The following UBE3C variants were observed in gnomAD, a reference collection of about 807,000 sequenced individuals.
The protein encoded by UBE3C is ubiquitin-protein ligase E3C.
UBE3C carries 42 observed loss-of-function variants against 129.4 expected under a neutral mutation model. The ratio of observed to expected loss-of-function variants is 0.32; its 90% CI spans 0.25 to 0.42. The LOEUF (loss-of-function observed/expected upper bound fraction) is 0.42, where lower values mean the gene tolerates loss of function less well. UBE3C is among the 10% of genes least tolerant of loss of function. The probability of loss-of-function intolerance (pLI) is 1.00; values close to 1 mark genes in which losing one functional copy is unlikely to be tolerated. For missense variants in UBE3C, 1,049 were observed against 1,319.1 expected (o/e 0.80, Z 3.17); for synonymous variants, 510 against 492.4 (o/e 1.04, Z -0.47).
At chr7:157,218,863 G>A (rs545073711) in intron 14 of UBE3C, among the ~76,000 whole-genome samples, 4 of 152,134 alleles carry the variant, frequency 2.6e-5, no homozygotes, top group African/African-American at 4.8e-5. Flanking sequence ...CTCTGAGTTC[G>A]CAAGGGTGCT....
intron 11 of UBE3C, 94 bp from the exon 12 acceptor site, chr7:157,207,304 T>G: frequency 6.7e-7 from 1 of 1,503,534 alleles, no homozygotes; most frequent in Non-Finnish European, 9.0e-7. Flanking sequence ...TTACTTTCCC[T>G]GATTATATTT....
chr7:157,265,283 A>C (rs183235939), intron 22 of UBE3C, among the ~76,000 whole-genome samples: 1 of 152,334 alleles, frequency 6.6e-6, no homozygotes, highest in East Asian at 1.9e-4. Flanking sequence ...TGCGACAGTG[A>C]GCAGACTGAG....
chr7:157,230,331 T>G (rs186896752), intron 17 of UBE3C, among the ~76,000 whole-genome samples: 51 of 151,966 alleles, frequency 3.4e-4, no homozygotes, highest in African/African-American at 9.7e-4. Flanking sequence ...CTGAACCACA[T>G]TGGAAGAGGA....
intron 18 of UBE3C, 86 bp from the exon 19 acceptor site, chr7:157,248,282 G>A: frequency 8.1e-7 from 1 of 1,238,158 alleles, no homozygotes; most frequent in South Asian, 1.4e-5. Context: ...TTAGGATTGG[G>A]TTTAATATCA....
At chr7:157,256,771 A>G in intron 21 of UBE3C, 143 bp from the exon 22 acceptor site, 1 of 975,228 alleles carries the variant, frequency 1.0e-6, no homozygotes, top group Non-Finnish European at 1.6e-6. Context: ...TACACAGGTG[A>G]TACACACATG....
chr7:157,178,051 G>A (rs900482903), intron 5 of UBE3C, among the ~76,000 whole-genome samples: 4 of 151,942 alleles, frequency 2.6e-5, no homozygotes, highest in South Asian at 2.1e-4. Context: ...GGATTGGGGT[G>A]GGGGGAAAGA....
chr7:157,238,020 C>A (rs541591617), intron 18 of UBE3C, among the ~76,000 whole-genome samples: 1 of 152,058 alleles, frequency 6.6e-6, no homozygotes, highest in African/African-American at 2.4e-5. Flanking sequence ...CCACCACACT[C>A]CAGCCTGGGT....
chr7:157,264,885 A>G (rs1336220652), intron 22 of UBE3C, among the ~76,000 whole-genome samples: 1 of 152,152 alleles, frequency 6.6e-6, no homozygotes, highest in Admixed American at 6.6e-5. Flanking sequence ...TAATTTTTAA[A>G]TATAATTTTA....
chr7:157,152,524 A>G (rs1228298775), intron 1 of UBE3C, among the ~76,000 whole-genome samples: 3 of 152,156 alleles, frequency 2.0e-5, no homozygotes, highest in Non-Finnish European at 4.4e-5. Context: ...TGTTTGTCAC[A>G]TGCAGATCCT....
intron 3 of UBE3C, among the ~76,000 whole-genome samples, chr7:157,169,663 A>G (rs1290592297): frequency 6.6e-6 from 1 of 151,846 alleles, no homozygotes; most frequent in Non-Finnish European, 1.5e-5. Context: ...AGCATAAGCC[A>G]CTGCGCCTGG....
At chr7:157,231,994 T>G (rs1408802752) in intron 18 of UBE3C, among the ~76,000 whole-genome samples, 1 of 152,180 alleles carries the variant, frequency 6.6e-6, no homozygotes, top group Non-Finnish European at 1.5e-5. Context: ...ACTCAGGGTG[T>G]CAGCAGCAGC....
At chr7:157,230,286 C>T (rs979901694) in intron 17 of UBE3C, among the ~76,000 whole-genome samples, 3 of 151,884 alleles carry the variant, frequency 2.0e-5, no homozygotes, top group Non-Finnish European at 4.4e-5. Context: ...TTTAAAAGAT[C>T]ACGTAGATCA....
chr7:157,199,617 C>A (rs1348790896), intron 10 of UBE3C, among the ~76,000 whole-genome samples: 3 of 151,806 alleles, frequency 2.0e-5, no homozygotes, highest in Admixed American at 2.0e-4. Context: ...ATTACAGGCG[C>A]CTGCCACCAC....
At chr7:157,140,954 C>T (rs180981087) in intron 1 of UBE3C, among the ~76,000 whole-genome samples, 1 of 152,226 alleles carries the variant, frequency 6.6e-6, no homozygotes, top group Admixed American at 6.5e-5. Flanking sequence ...GGAGGAAGGG[C>T]GAGAGGGAAG....
chr7:157,144,211 G>A (rs986367365), intron 1 of UBE3C, among the ~76,000 whole-genome samples: 7 of 152,166 alleles, frequency 4.6e-5, no homozygotes, highest in African/African-American at 9.7e-5. Context: ...CGGGAGGATC[G>A]CTGGATCCCG....
At chr7:157,156,139 T>A (rs1807896312) in intron 1 of UBE3C, among the ~76,000 whole-genome samples, 1 of 152,108 alleles carries the variant, frequency 6.6e-6, no homozygotes, top group Non-Finnish European at 1.5e-5. Flanking sequence ...TGTTCCTCAT[T>A]ATATTGAGCT....
chr7:157,226,234 C>T (rs963234072), intron 17 of UBE3C, among the ~76,000 whole-genome samples: 2 of 152,054 alleles, frequency 1.3e-5, no homozygotes, highest in Non-Finnish European at 2.9e-5. Context: ...AGTGCCATTG[C>T]AATCCAAGTT....
chr7:157,187,001 C>T lies in UBE3C; in HGVS notation c.1311C>T (p.Arg437=). The T allele has an allele frequency of 6.2e-7, 1 of 1,607,086 alleles. No individual in the cohort carries two copies. The highest frequency in any genetic ancestry group is 8.5e-7 in the Non-Finnish European group (1 of 1,176,640). ...GCCACACGCTGATGGTGCAGCACCG[C>T]ATGATGGTACCCAAAGTCAGGCAAG... ...SVCHTLMVQH[R]MMVPKVRLLY... The change falls in exon 10 of 23, where the codon CGC becomes CGT. Residue 437 remains arginine, a synonymous_variant. Transcript: ENST00000348165.
chr7:157,215,108 C>T (rs932431963), intron 13 of UBE3C, among the ~76,000 whole-genome samples: 9 of 152,168 alleles, frequency 5.9e-5, no homozygotes, highest in African/African-American at 1.9e-4. Flanking sequence ...TAAATTGGCA[C>T]GAAATACCCA....
Sources: gnomAD v4.1 joint callset for allele counts (sites outside exome capture counted in the v4.1 genomes callset) on GRCh38, gnomAD v4.1.1 for gene constraint, MANE v1.5 for transcripts, NCBI Gene and HGNC (gene_info 2026-07-23, HGNC 2026-07-21) for gene names.